INTS4: variants seen among roughly 807,000 people sequenced by gnomAD.
INTS4 encodes the protein integrator complex subunit 4, also known as MSTP093.
INTS4 carries 70 observed loss-of-function variants against 119.5 expected under a neutral mutation model. The observed-to-expected ratio is 0.59, with a 90% CI of 0.48 to 0.71. The LOEUF (loss-of-function observed/expected upper bound fraction) is 0.71. INTS4 is among the 30% of genes least tolerant of loss of function. The probability of loss-of-function intolerance (pLI) is 0.00; values close to 1 mark genes in which losing one functional copy is unlikely to be tolerated. For synonymous variants in INTS4, 316 were observed against 419.6 expected, an observed-to-expected ratio of 0.75 and a Z score of 3.02; for missense variants, 867 against 1,173.2, an observed-to-expected ratio of 0.74 and a Z score of 3.81.
At chr11:77,980,791 C>A (rs1210950299) in intron 3 of INTS4, among the ~76,000 whole-genome samples, 1 of 152,054 alleles carries the variant, frequency 6.6e-6, no homozygotes, top group African/African-American at 2.4e-5. Context: ...GAGATCAAGA[C>A]CATCATGGCT....
chr11:77,937,308 G>A (rs1411746702), intron 10 of INTS4, among the ~76,000 whole-genome samples: 1 of 151,992 alleles, frequency 6.6e-6, no homozygotes, highest in Non-Finnish European at 1.5e-5. Flanking sequence ...CTATACCCAG[G>A]CATATCATAA....
chr11:77,891,139 C>G (rs910276193), intron 21 of INTS4, among the ~76,000 whole-genome samples, 180 bp downstream of exon 21: 5 of 152,154 alleles, frequency 3.3e-5, no homozygotes, highest in African/African-American at 1.2e-4. Flanking sequence ...TTTAAAGTAA[C>G]TTGCTCCAAA....
chr11:77,967,055 T>C (rs966466797), intron 4 of INTS4, among the ~76,000 whole-genome samples: 8 of 152,202 alleles, frequency 5.3e-5, no homozygotes, highest in Non-Finnish European at 8.8e-5. Flanking sequence ...GGTATCTCAC[T>C]GTGGTTTTGA....
chr11:77,907,576 C>T (rs944101611), intron 16 of INTS4, 141 bp downstream of exon 16: 4 of 569,544 alleles, frequency 7.0e-6, no homozygotes, highest in Admixed American at 6.0e-5. Context: ...AATGTAATCA[C>T]ACTGCAGAGT....
chr11:77,921,279 A>G (rs1953354585), intron 14 of INTS4, 61 bp downstream of exon 14: 1 of 1,565,718 alleles, frequency 6.4e-7, no homozygotes, highest in Non-Finnish European at 8.7e-7. Flanking sequence ...GGAAAACATG[A>G]ACAAAAATAA....
chr11:77,886,639 A>G (rs1952020913), intron 21 of INTS4, among the ~76,000 whole-genome samples: 1 of 152,198 alleles, frequency 6.6e-6, no homozygotes, highest in African/African-American at 2.4e-5. Flanking sequence ...GCGAAACCAC[A>G]GCCAAGGGAA....
chr11:77,935,960 T>C (rs1244267496), intron 10 of INTS4, among the ~76,000 whole-genome samples: 3 of 149,228 alleles, frequency 2.0e-5, no homozygotes, highest in African/African-American at 5.0e-5. Context: ...AGTTTTTTGC[T>C]TCACTAGTGG....
In INTS4 at chr11:77,941,205, T is replaced by G; in HGVS notation, c.965A>C (p.Asp322Ala). 1 of 1,613,178 alleles carries G rather than the reference T, an allele frequency of 6.2e-7. No individual in the cohort carries two copies. Among genetic ancestry groups the G allele is most frequent in the East Asian group, 2.2e-5 (1 of 44,868 alleles). ...VSSHFLEQTL[D>A]KKLMSDLRRK... ...CCTCAGATCTGACATCAGCTTCTTG[T>G]CAAGGGTCTGCTCCAAGAAATGAGA... Residue 322 changes from aspartate to alanine, a missense_variant, in exon 9 of 23, where the codon GAC becomes GCC. Physicochemically the swap from Asp to Ala is moderately radical, Grantham distance 126 (BLOSUM62 -2). Around this residue, in one of 5 missense-constraint regions of INTS4, gnomAD observed 208 missense variants for 306.6 expected, o/e 0.68. Coordinates refer to ENST00000534064, the MANE Select transcript of INTS4 (RefSeq NM_033547.4).
At chr11:77,879,645 C>A (rs1951716774) in intron 22 of INTS4, among the ~76,000 whole-genome samples, 1 of 152,174 alleles carries the variant, frequency 6.6e-6, no homozygotes, top group Non-Finnish European at 1.5e-5. Flanking sequence ...CCTAAAATGT[C>A]TGAAAACATC....
intron 8 of INTS4, among the ~76,000 whole-genome samples, chr11:77,944,653 T>C (rs1056265011): frequency 3.9e-5 from 6 of 152,300 alleles, no homozygotes; most frequent in African/African-American, 1.2e-4. Flanking sequence ...GATTTAAAGA[T>C]TATACAGGTT....
rs911026711 is a variant in INTS4, at chr11:77,961,352, T to G, written c.472-214A>C. ...ATGAGTCCTTAGAAAATAAAAGTCC[T>G]AGTTTTTCATCTTTGTATTCCCAAT... is the stretch of plus-strand genomic sequence containing the variant. On this transcript the variant is annotated intron_variant, in intron 4 of 22. Transcript: ENST00000534064. Among the ~76,000 whole-genome samples the G allele has an allele frequency of 7.2e-5, 11 of 152,014 alleles. 1 individual carries two copies. Among genetic ancestry groups the G allele is most frequent in the African/African-American group, 2.7e-4 (11 of 41,404 alleles).
chr11:77,876,100 A>C (rs1183742910), downstream of INTS4, among the ~76,000 whole-genome samples: 2 of 152,142 alleles, frequency 1.3e-5, no homozygotes, highest in Admixed American at 6.5e-5. Context: ...GTATAAGAAG[A>C]GGACTAAGAA....
intron 10 of INTS4, among the ~76,000 whole-genome samples, chr11:77,930,048 G>C (rs1328061609): frequency 6.6e-6 from 1 of 152,162 alleles, no homozygotes; most frequent in Non-Finnish European, 1.5e-5. Flanking sequence ...AGTGGGTCCT[G>C]AACACGTATT....
intron 14 of INTS4, among the ~76,000 whole-genome samples, chr11:77,921,117 C>T (rs1336757602): frequency 6.6e-6 from 1 of 151,884 alleles, no homozygotes; most frequent in Non-Finnish European, 1.5e-5. Flanking sequence ...ATTTAATAAC[C>T]ACAAAGCACA....
chr11:77,875,298 T>C (rs1951565336), downstream of INTS4, among the ~76,000 whole-genome samples: 1 of 152,152 alleles, frequency 6.6e-6, no homozygotes, highest in Non-Finnish European at 1.5e-5. Context: ...TACAGATCAG[T>C]TGGAAGAAAT....
chr11:77,883,904 C>T lies in INTS4; in HGVS notation c.2641G>A (p.Asp881Asn). The stretch of plus-strand genomic sequence containing the variant: ...CGCCCTGGGCCAGGATTCCGGAAGT[C>T]TGCAGGCTTGGGGTGAATCATCTGA... ...QAQMIHPKPADFRNPGPGRHR... is the reference protein window; with the variant it reads ...QAQMIHPKPANFRNPGPGRHR... The change falls in exon 22 of 23, where the codon GAC (aspartate) becomes AAC (asparagine). Residue 881 changes from aspartate to asparagine, a missense_variant. By Grantham distance (23) the Asp-to-Asn change is conservative (BLOSUM62 1). Around this residue, in one of 5 missense-constraint regions of INTS4, gnomAD observed 122 missense variants for 133.2 expected, o/e 0.92. Transcript: ENST00000534064. The T allele has an allele frequency of 1.9e-6, 3 of 1,613,236 alleles. No homozygotes were observed. The highest frequency in any genetic ancestry group is 1.1e-5 in the South Asian group (1 of 90,874).
Position 77,913,032 on chromosome 11 carries a change from T to C in INTS4, c.1923-5222A>G, listed in dbSNP as rs183647029. ...TTACTCCAAAAGAACAATTCTCTATTATGGAACACTTCTAAGGTGATATGG... is the reference window on the plus strand; with the variant it reads ...TTACTCCAAAAGAACAATTCTCTATCATGGAACACTTCTAAGGTGATATGG... On this transcript the variant is annotated intron_variant, in intron 15 of 22. Transcript: ENST00000534064. Among the ~76,000 whole-genome samples, 697 of 152,324 alleles carry C rather than the reference T, an allele frequency of 4.6e-3. 4 individuals carry two copies. The highest frequency in any genetic ancestry group is 0.016 in the African/African-American group (665 of 41,574).
chr11:77,973,511 T>C (rs1188290772), intron 4 of INTS4, among the ~76,000 whole-genome samples: 1 of 152,190 alleles, frequency 6.6e-6, no homozygotes, highest in African/African-American at 2.4e-5. Flanking sequence ...GGGGAAAGCA[T>C]TCAATCTGTC....
chr11:77,908,516 A>G (rs1953016626), intron 15 of INTS4, among the ~76,000 whole-genome samples: 1 of 152,078 alleles, frequency 6.6e-6, no homozygotes, highest in African/African-American at 2.4e-5. Flanking sequence ...TTTAGTAGAG[A>G]CAGGGTTTCA....
Sources: gnomAD v4.1 joint callset for allele counts (sites outside exome capture counted in the v4.1 genomes callset) on GRCh38, gnomAD v4.1.1 for gene constraint, gnomAD v4.1.1 regional missense constraint, MANE v1.5 for transcripts, NCBI Gene and HGNC (gene_info 2026-07-23, HGNC 2026-07-21) for gene names.